The following PDE1A variants were observed in gnomAD, a reference collection of about 807,000 sequenced individuals.
PDE1A encodes the protein phosphodiesterase 1A, also known as dual specificity calcium/calmodulin-dependent 3',5'-cyclic nucleotide phosphodiesterase 1A.
In PDE1A, 35 loss-of-function variants were observed where a neutral mutation model predicts 61.7. The ratio of observed to expected loss-of-function variants is 0.57; its 90% CI spans 0.43 to 0.75. The LOEUF is 0.75. Among genes scored for constraint, PDE1A ranks in the 30% least tolerant of loss-of-function variants. PDE1A has a pLI of 0.00. For missense variants in PDE1A, 597 were observed against 630.6 expected, an observed-to-expected ratio of 0.95 and a Z score of 0.57; for synonymous variants, 232 against 213.2, an observed-to-expected ratio of 1.09 and a Z score of -0.77.
chr2:182,438,228 A>G (rs1255893936), intron 2 of PDE1A, among the ~76,000 whole-genome samples: 1 of 151,844 alleles, frequency 6.6e-6, no homozygotes, highest in Non-Finnish European at 1.5e-5. Flanking sequence ...ATCTTGTTAA[A>G]TGCTACTTGT....
At chr2:182,527,319 A>T (rs1559543349), upstream of PDE1A, among the ~76,000 whole-genome samples, 10 of 48,362 alleles carry the variant, frequency 2.1e-4, no homozygotes, top group African/African-American at 8.3e-4. Context: ...AAAAAAAAAA[A>T]AAAAAAAAAT....
the PDE1A span, among the ~76,000 whole-genome samples, chr2:182,614,411 T>C: frequency 6.6e-6 from 1 of 152,180 alleles, no homozygotes; most frequent in Non-Finnish European, 1.5e-5. Context: ...AAAGTCCATA[T>C]AAACTCTATA....
At chr2:182,334,611 T>C (rs1255237722) in intron 1 of PDE1A, among the ~76,000 whole-genome samples, 1 of 152,146 alleles carries the variant, frequency 6.6e-6, no homozygotes, top group Non-Finnish European at 1.5e-5. Context: ...AACTAGGTAT[T>C]GATGGAATGT....
rs576318364 is a variant in PDE1A, at chr2:182,283,404, T to TAC, written c.54-18992_54-18991dup. Among the ~76,000 whole-genome samples, 139 of 148,720 alleles carry TAC rather than the reference T, an allele frequency of 9.3e-4. 1 individual carries two copies. The South Asian group carries it at 0.012, about 13-fold the overall frequency. On this transcript the variant is annotated intron_variant, in intron 1 of 13. Coordinates refer to ENST00000351439, the Ensembl canonical transcript of PDE1A. Reference sequence around the variant, plus strand: ...GTTTTGGTATAAAGGGTACCTGAGTTACACACACACACACATACACACACA... The same window carrying TAC: ...GTTTTGGTATAAAGGGTACCTGAGTTACACACACACACACACATACACACACA...
At chr2:182,502,832 G>A (rs1689162860) in intron 2 of PDE1A, among the ~76,000 whole-genome samples, 1 of 152,132 alleles carries the variant, frequency 6.6e-6, no homozygotes. Context: ...TATATGTTTT[G>A]TTGCAGATTT....
the PDE1A span, among the ~76,000 whole-genome samples, chr2:182,625,029 G>A: frequency 6.6e-6 from 1 of 152,116 alleles, no homozygotes; most frequent in African/African-American, 2.4e-5. Context: ...TGATTAGATA[G>A]ATTTAGATGA....
chr2:182,166,057 T>C (rs2125308218), downstream of PDE1A, among the ~76,000 whole-genome samples: 1 of 152,260 alleles, frequency 6.6e-6, no homozygotes, highest in South Asian at 2.1e-4. Context: ...TATGACCTTT[T>C]TATAGTCTTC....
At chr2:182,639,894 TAATC>T in the PDE1A span, among the ~76,000 whole-genome samples, 2 of 149,484 alleles carry the variant, frequency 1.3e-5, no homozygotes, top group African/African-American at 2.4e-5. Context: ...TATGCATAGA[TAATC>T]TATATATTAT....
At chr2:182,649,893 C>A in the PDE1A span, among the ~76,000 whole-genome samples, 2 of 152,102 alleles carry the variant, frequency 1.3e-5, no homozygotes, top group African/African-American at 4.8e-5. Flanking sequence ...CAGGTGTGAG[C>A]CACTGTGCCC....
chr2:182,203,200 G>A (rs1202825909), intron 8 of PDE1A, among the ~76,000 whole-genome samples: 1 of 151,922 alleles, frequency 6.6e-6, no homozygotes, highest in Non-Finnish European at 1.5e-5. Context: ...GGCACCTGTA[G>A]TCCCAGCTAC....
chr2:182,584,051 C>T, the PDE1A span, among the ~76,000 whole-genome samples: 2,670 of 152,314 alleles, frequency 0.018, 36 homozygotes, highest in Admixed American at 0.027. Context: ...CTGGCCAATG[C>T]TACATTCTCT....
the PDE1A span, among the ~76,000 whole-genome samples, chr2:182,584,246 A>C: frequency 2.0e-5 from 3 of 152,006 alleles, no homozygotes; most frequent in Non-Finnish European, 2.9e-5. Context: ...TTGCAGAGAG[A>C]GAACACAGCA....
intron 1 of PDE1A, among the ~76,000 whole-genome samples, chr2:182,381,693 T>C (rs1303581993): frequency 1.3e-5 from 2 of 151,994 alleles, no homozygotes; most frequent in Non-Finnish European, 2.9e-5. Flanking sequence ...ATGCCTATAA[T>C]CTCAGCTACT....
chr2:182,704,830 A>C, the PDE1A span, among the ~76,000 whole-genome samples: 1 of 152,376 alleles, frequency 6.6e-6, no homozygotes, highest in South Asian at 2.1e-4. Flanking sequence ...TAAGAATGAA[A>C]GTGGATAAAA....
chr2:182,418,132 G>A lies in PDE1A; in HGVS notation c.53+8446C>T, dbSNP rs1013409456. Among the ~76,000 whole-genome samples the A allele has an allele frequency of 6.6e-5, 10 of 152,174 alleles. No individual in the cohort carries two copies. In the South Asian group the frequency reaches 1.2e-3, roughly 19 times the overall value. On this transcript the variant is annotated intron_variant, in intron 1 of 13. Transcript: ENST00000351439. Reference sequence around the variant, plus strand: ...TAAGGAAGCTCTGTTTTATTATTACGATTTCCAAAGCCTCCTTTCCCTGTC... The same window carrying A: ...TAAGGAAGCTCTGTTTTATTATTACAATTTCCAAAGCCTCCTTTCCCTGTC...
the PDE1A span, among the ~76,000 whole-genome samples, chr2:182,643,913 G>T: frequency 1.3e-5 from 2 of 151,992 alleles, 1 homozygote; most frequent in Middle Eastern, 6.3e-3. Context: ...ATTAGGCCAG[G>T]AATTCAGCCA....
intron 1 of PDE1A, among the ~76,000 whole-genome samples, chr2:182,271,288 C>T (rs1399791694): frequency 6.6e-6 from 1 of 151,130 alleles, no homozygotes; most frequent in Non-Finnish European, 1.5e-5. Context: ...TCATGTTGGT[C>T]TACCTTAAAC....
chr2:182,474,779 G>A (rs950278497), intron 2 of PDE1A, among the ~76,000 whole-genome samples: 4 of 151,826 alleles, frequency 2.6e-5, no homozygotes, highest in African/African-American at 9.7e-5. Context: ...AGGAGAAGAC[G>A]ATGACCAAGA....
the PDE1A span, among the ~76,000 whole-genome samples, chr2:182,703,187 T>G: frequency 6.6e-6 from 1 of 152,222 alleles, no homozygotes; most frequent in African/African-American, 2.4e-5. Context: ...AAAATCCTAC[T>G]TGTGATTTGA....
Sources: gnomAD v4.1 joint callset for allele counts (sites outside exome capture counted in the v4.1 genomes callset) on GRCh38, gnomAD v4.1.1 for gene constraint, MANE v1.5 for transcripts, NCBI Gene and HGNC (gene_info 2026-07-23, HGNC 2026-07-21) for gene names.